CECR2: variants seen among roughly 807,000 people sequenced by gnomAD.
CECR2 encodes the protein chromatin remodeling regulator CECR2.
Under a neutral mutation model 154.5 loss-of-function variants are expected in CECR2, and 30 were observed. The observed-to-expected ratio is 0.19, with a 90% CI of 0.15 to 0.26. CECR2 has a LOEUF of 0.26. Among genes scored for constraint, CECR2 ranks in the 10% least tolerant of loss-of-function variants. The pLI is 1.00. For synonymous variants in CECR2, 725 were observed against 683.7 expected (o/e 1.06, Z -0.94); for missense variants, 1,743 against 1,829.3 (o/e 0.95, Z 0.86).
chr22:17,433,480 C>G (rs1462706331), intron 1 of CECR2, among the ~76,000 whole-genome samples: 1 of 152,192 alleles, frequency 6.6e-6, no homozygotes. Context: ...GACTCTGGCT[C>G]TGTTGCCCAG....
intron 14 of CECR2, 55 bp from the exon 15 acceptor site, chr22:17,541,784 C>G: frequency 1.3e-6 from 2 of 1,555,300 alleles, no homozygotes; most frequent in Non-Finnish European, 1.7e-6. Context: ...TTGTTGTCAA[C>G]CTAAAGTCTG....
chr22:17,416,763 A>G (rs1342140073), intron 1 of CECR2, among the ~76,000 whole-genome samples: 2 of 152,124 alleles, frequency 1.3e-5, no homozygotes, highest in Non-Finnish European at 2.9e-5. Flanking sequence ...CAGTCTCCCA[A>G]AGTGCTGGGA....
Position 17,499,399 on chromosome 22 carries a change from G to T in CECR2, c.406-11G>T. On this transcript the variant is annotated splice_polypyrimidine_tract_variant and intron_variant, in intron 3 of 18. Coordinates refer to ENST00000262608, the MANE Select transcript of CECR2 (RefSeq NM_001290047.2). ...CCATTTCCCCAAACCCCTTTTCCGTGCTCTGTGTAGGGCCTGGATGCAGAC... is the reference window on the plus strand; with the variant it reads ...CCATTTCCCCAAACCCCTTTTCCGTTCTCTGTGTAGGGCCTGGATGCAGAC... The T allele has an allele frequency of 1.2e-6, 2 of 1,604,498 alleles. No homozygotes were observed. Among genetic ancestry groups the T allele is most frequent in the Non-Finnish European group, 1.7e-6 (2 of 1,177,358 alleles).
chr22:17,473,409 C>G (rs1336625324), intron 1 of CECR2, among the ~76,000 whole-genome samples: 1 of 152,186 alleles, frequency 6.6e-6, no homozygotes, highest in Non-Finnish European at 1.5e-5. Flanking sequence ...TAGTCTAAGA[C>G]TTAAGCTCTG....
At chr22:17,545,323 C>T (rs532933738) in intron 16 of CECR2, among the ~76,000 whole-genome samples, 4 of 126,926 alleles carry the variant, frequency 3.2e-5, no homozygotes, top group South Asian at 2.4e-4. Flanking sequence ...TGCAGTGAGC[C>T]GAGATCACGC....
At chr22:17,405,287 C>G (rs575539688) in intron 1 of CECR2, among the ~76,000 whole-genome samples, 2 of 152,102 alleles carry the variant, frequency 1.3e-5, no homozygotes, top group Admixed American at 6.5e-5. Context: ...TGGTGGACGC[C>G]TGTAATCCCA....
rs548971220 is a variant in CECR2 at position 17,393,514 on chromosome 22, G to A, written c.126+23605G>A. On this transcript the variant is annotated intron_variant, in intron 1 of 18. Transcript: ENST00000262608. ...GTTTTTGTGAGGACATGTGTTTTCA[G>A]TTCTGTTAGGTATGTACTAAGAAGT... Among the ~76,000 whole-genome samples the A allele has an allele frequency of 5.2e-4, 79 of 152,272 alleles. 2 individuals are homozygous for A. The South Asian group carries it at 0.016, about 31-fold the overall frequency.
intron 16 of CECR2, among the ~76,000 whole-genome samples, chr22:17,544,464 C>G (rs937400886): frequency 3.5e-5 from 5 of 143,946 alleles, no homozygotes; most frequent in Non-Finnish European, 6.0e-5. Flanking sequence ...TGCCACTGCA[C>G]TCCGGCCTGG....
At chr22:17,452,587 G>A (rs988352260) in intron 1 of CECR2, among the ~76,000 whole-genome samples, 5 of 152,304 alleles carry the variant, frequency 3.3e-5, no homozygotes, top group African/African-American at 1.2e-4. Flanking sequence ...TTTGAGCTGA[G>A]TAGCTGAAAG....
At position 17,542,733 on chromosome 22, in the gene CECR2, G is replaced by A. The variant is rs1185214882; in HGVS notation, c.2590G>A (p.Gly864Arg). Residue 864 changes from glycine to arginine, a missense_variant, in exon 16 of 19, where the codon GGA becomes AGA. By Grantham distance (125) the Gly-to-Arg change is moderately radical. Coordinates refer to ENST00000262608, the MANE Select transcript of CECR2 (RefSeq NM_001290047.2). ...AGTGCCAGCACCCAGTTCTTTGTTT[G>A]GAGCACCTGCCCAGGCTCTTCGGGG... ...PPVPAPSSLFGAPAQALRGVQ... is the reference protein window; with the variant it reads ...PPVPAPSSLFRAPAQALRGVQ... 1 of 1,614,010 alleles carries A rather than the reference G, an allele frequency of 6.2e-7. No homozygotes were observed. Among genetic ancestry groups the A allele is most frequent in the South Asian group, 1.1e-5 (1 of 91,088 alleles).
At chr22:17,484,696 T>G (rs2055389407) in intron 2 of CECR2, among the ~76,000 whole-genome samples, 1 of 151,966 alleles carries the variant, frequency 6.6e-6, no homozygotes, top group Non-Finnish European at 1.5e-5. Context: ...AGGTCAGGAG[T>G]TCGAGACCAC....
intron 1 of CECR2, among the ~76,000 whole-genome samples, chr22:17,476,367 C>T (rs1464780131): frequency 2.0e-5 from 3 of 151,872 alleles, no homozygotes; most frequent in East Asian, 3.9e-4. Context: ...TGGTTTCAAG[C>T]GATTCTTGTG....
intron 1 of CECR2, among the ~76,000 whole-genome samples, chr22:17,440,762 C>T (rs907345435): frequency 6.6e-6 from 1 of 152,174 alleles, no homozygotes; most frequent in Non-Finnish European, 1.5e-5. Flanking sequence ...ACCCTCTGAT[C>T]CCTACCCCTC....
rs189022081 is a variant in CECR2, at chr22:17,448,108, T to C, written c.127-29480T>C. 7.2e-3 allele frequency among the ~76,000 whole-genome samples: 1,096 copies of C among 152,330 alleles called. 13 individuals carry two copies. The highest frequency in any genetic ancestry group is 0.025 in the African/African-American group (1,037 of 41,570). On this transcript the variant is annotated intron_variant, in intron 1 of 18. Coordinates refer to ENST00000262608, the MANE Select transcript of CECR2 (RefSeq NM_001290047.2). Reference sequence around the variant, plus strand: ...AGATATTTAGGTACTGGGAGATGAATAGACTGCCGGTAACGTCTGTATTTT... The same window carrying C: ...AGATATTTAGGTACTGGGAGATGAACAGACTGCCGGTAACGTCTGTATTTT...
chr22:17,458,395 CAG>C (rs1337295104), intron 1 of CECR2, among the ~76,000 whole-genome samples: 1 of 145,986 alleles, frequency 6.8e-6, no homozygotes, highest in Non-Finnish European at 1.5e-5. Context: ...ACCTGGGCGA[CAG>C]AGCAAGTCTC....
chr22:17,395,477 C>G (rs796217976), intron 1 of CECR2, among the ~76,000 whole-genome samples: 1 of 151,854 alleles, frequency 6.6e-6, no homozygotes, highest in Admixed American at 6.6e-5. Context: ...CTCAAGTAGC[C>G]GCGATTACAG....
At chr22:17,388,823 T>G (rs1345923393) in intron 1 of CECR2, among the ~76,000 whole-genome samples, 1 of 151,298 alleles carries the variant, frequency 6.6e-6, no homozygotes, top group Non-Finnish European at 1.5e-5. Flanking sequence ...TATTTTAGTA[T>G]TTTTTTTTGA....
At chr22:17,453,517 C>T (rs1239493253) in intron 1 of CECR2, among the ~76,000 whole-genome samples, 6 of 152,120 alleles carry the variant, frequency 3.9e-5, no homozygotes, top group Admixed American at 6.6e-5. Flanking sequence ...TGCCAACTTA[C>T]CTTAGGGTTT....
chr22:17,441,290 T>C (rs1350299139), intron 1 of CECR2, among the ~76,000 whole-genome samples: 1 of 152,132 alleles, frequency 6.6e-6, no homozygotes, highest in Non-Finnish European at 1.5e-5. Flanking sequence ...GGAGCAAGTA[T>C]ACTGGTTGTT....
Sources: allele counts gnomAD v4.1 joint callset (sites outside exome capture counted in the v4.1 genomes callset), GRCh38; gene constraint gnomAD v4.1.1; transcripts MANE v1.5; gene names NCBI Gene and HGNC (gene_info 2026-07-23, HGNC 2026-07-21).